Variants in FBXO28 observed in about 807,000 individuals in gnomAD.
FBXO28 encodes the protein F-box protein 28, also known as F-box only protein 28.
Under a neutral mutation model 38.1 loss-of-function variants are expected in FBXO28, and 8 were observed. That is an observed-to-expected ratio of 0.21 (90% CI 0.12 to 0.38). The LOEUF (loss-of-function observed/expected upper bound fraction) is 0.38, where lower values mean the gene tolerates loss of function less well. FBXO28 is among the 10% of genes least tolerant of loss of function. The pLI is 1.00. For missense variants in FBXO28, 345 were observed against 460.6 expected, an observed-to-expected ratio of 0.75 and a Z score of 2.30; for synonymous variants, 168 against 173.8, an observed-to-expected ratio of 0.97 and a Z score of 0.26.
In FBXO28 at chr1:224,160,862, T is replaced by C. The variant is rs1371159456; in HGVS notation, c.*3116T>C. On this transcript the variant is annotated 3_prime_UTR_variant, in exon 5 of 5. Transcript: ENST00000366862. ...AAAATATTCTATGTAGCCCCAAAGG[T>C]GGGTAAAACAGTATAAGTAATGCCT... The C allele has an allele frequency of 6.6e-6, 1 of 152,124 alleles. No individual in the cohort carries two copies. Among genetic ancestry groups the C allele is most frequent in the Non-Finnish European group, 1.5e-5 (1 of 68,022 alleles). 9.4% of individuals were successfully genotyped at this position (152,124 alleles called of 1,614,324 possible).
intron 3 of FBXO28, among the ~76,000 whole-genome samples, chr1:224,135,054 ATTTC>A (rs1657141574): frequency 6.6e-6 from 1 of 152,158 alleles, no homozygotes; most frequent in Non-Finnish European, 1.5e-5. Flanking sequence ...GGGGAATCCC[ATTTC>A]TTATGATTGT....
At chr1:224,116,945 T>A (rs1656655912) in intron 1 of FBXO28, among the ~76,000 whole-genome samples, 1 of 151,898 alleles carries the variant, frequency 6.6e-6, no homozygotes, top group African/African-American at 2.4e-5. Flanking sequence ...GACGCCGAGG[T>A]GGGCAGATCA....
chr1:224,114,631 G>T (rs1572001363), intron 1 of FBXO28, among the ~76,000 whole-genome samples: 1 of 78,260 alleles, frequency 1.3e-5, no homozygotes, highest in East Asian at 5.7e-4. Flanking sequence ...ACTTCGCCTT[G>T]GGGGCTCCTT....
At chr1:224,121,472 A>G (rs991492121) in intron 1 of FBXO28, among the ~76,000 whole-genome samples, 1 of 152,196 alleles carries the variant, frequency 6.6e-6, no homozygotes, top group Non-Finnish European at 1.5e-5. Context: ...AACACACACA[A>G]TATAGTAATA....
At chr1:224,123,548 C>T (rs1394941332) in intron 1 of FBXO28, among the ~76,000 whole-genome samples, 3 of 150,414 alleles carry the variant, frequency 2.0e-5, no homozygotes, top group African/African-American at 7.3e-5. Flanking sequence ...GCATCTTGAT[C>T]AATTTGTATG....
chr1:224,125,925 G>C (rs978521155), intron 1 of FBXO28, among the ~76,000 whole-genome samples: 1 of 152,050 alleles, frequency 6.6e-6, no homozygotes, highest in South Asian at 2.1e-4. Context: ...CACTGCTCCC[G>C]GCCATTCATT....
chr1:224,154,354 TC>T (rs1657717018), intron 4 of FBXO28, among the ~76,000 whole-genome samples: 1 of 152,178 alleles, frequency 6.6e-6, no homozygotes, highest in South Asian at 2.1e-4. Flanking sequence ...GTCTATCACT[TC>T]CATACCATTG....
intron 1 of FBXO28, among the ~76,000 whole-genome samples, chr1:224,118,046 C>G (rs560108584): frequency 1.3e-4 from 20 of 151,640 alleles, no homozygotes; most frequent in Middle Eastern, 3.4e-3. Flanking sequence ...ATTTTTGAGA[C>G]AGGGTCTCCC....
At chr1:224,119,135 C>CTTTTTTT (rs67458349) in intron 1 of FBXO28, among the ~76,000 whole-genome samples, 25 of 109,916 alleles carry the variant, frequency 2.3e-4, no homozygotes, top group Non-Finnish European at 3.3e-4. Context: ...TCTTTTTTTT[C>CTTTTTTT]TTTTTTTTTT....
intron 3 of FBXO28, among the ~76,000 whole-genome samples, chr1:224,145,316 G>C (rs1476197107): frequency 1.2e-5 from 1 of 81,154 alleles, no homozygotes; most frequent in Non-Finnish European, 2.7e-5. Context: ...AAAAAAAAAG[G>C]AAGTGTTTTA....
intron 2 of FBXO28, among the ~76,000 whole-genome samples, chr1:224,131,414 T>G (rs947008230): frequency 2.0e-5 from 3 of 152,164 alleles, no homozygotes; most frequent in Non-Finnish European, 4.4e-5. Flanking sequence ...ACTTCCCACT[T>G]TCAAAACTTA....
chr1:224,138,009 C>G (rs1009482725), intron 3 of FBXO28, among the ~76,000 whole-genome samples: 3 of 151,800 alleles, frequency 2.0e-5, no homozygotes, highest in African/African-American at 7.3e-5. Context: ...GGGCAAATCA[C>G]TTGAGATCAG....
At position 224,157,833 on chromosome 1, in the gene FBXO28, G is replaced by A. The variant is rs1185201661; in HGVS notation, c.*87G>A. On this transcript the variant is annotated 3_prime_UTR_variant, in exon 5 of 5. Transcript: ENST00000366862. Reference sequence around the variant, plus strand: ...ATCAGGATACTGTGAGCAACATGGTGTCCCTTAAGCTTCTAGGCTTTCAGA... The same window carrying A: ...ATCAGGATACTGTGAGCAACATGGTATCCCTTAAGCTTCTAGGCTTTCAGA... 4.0e-6 allele frequency: 6 copies of A among 1,491,022 alleles called. No homozygotes were observed. The highest frequency in any genetic ancestry group is 4.4e-6 in the Non-Finnish European group (5 of 1,125,168). 92.4% of individuals were successfully genotyped at this position (1,491,022 alleles called of 1,614,324 possible). A position where few individuals can be genotyped will look rare whatever the true frequency, so the allele number is the denominator to read the frequency against.
chr1:224,156,314 TG>T (rs1169625469), intron 4 of FBXO28, among the ~76,000 whole-genome samples: 2 of 152,222 alleles, frequency 1.3e-5, no homozygotes, highest in African/African-American at 2.4e-5. Flanking sequence ...GAATTCTCTG[TG>T]GTCATAATGT....
At chr1:224,148,926 C>G (rs887927503) in intron 3 of FBXO28, among the ~76,000 whole-genome samples, 7 of 152,140 alleles carry the variant, frequency 4.6e-5, no homozygotes, top group African/African-American at 1.7e-4. Context: ...TCTGTTTTCA[C>G]ACAGCACTTT....
Position 224,130,510 on chromosome 1 carries a change from G to A in FBXO28, c.306G>A (p.Leu102=), listed in dbSNP as rs923158725. ...TGGACTTGGTCTGCCAGAGAATGTT[G>A]AATCAGGGATTTCTGAAAGTGGAGA... ...KRMDLVCQRM[L]NQGFLKVERY... The change falls in exon 2 of 5, where the codon TTG becomes TTA. Residue 102 remains leucine (L), a synonymous_variant. Coordinates refer to ENST00000366862, the MANE Select transcript of FBXO28 (RefSeq NM_015176.4). The A allele has an allele frequency of 1.2e-6, 2 of 1,613,848 alleles. No homozygotes were observed. The highest frequency in any genetic ancestry group is 1.7e-6 in the Non-Finnish European group (2 of 1,179,924).
intron 3 of FBXO28, among the ~76,000 whole-genome samples, chr1:224,138,176 C>T (rs962155028): frequency 6.6e-6 from 1 of 151,190 alleles, no homozygotes; most frequent in African/African-American, 2.4e-5. Flanking sequence ...TGCAGTGAGC[C>T]GAGATCACAC....
At chr1:224,115,605 G>T (rs1216601220) in intron 1 of FBXO28, among the ~76,000 whole-genome samples, 2 of 152,132 alleles carry the variant, frequency 1.3e-5, no homozygotes, top group African/African-American at 2.4e-5. Flanking sequence ...CAGTCTGCAG[G>T]ATGGAAAATT....
intron 2 of FBXO28, among the ~76,000 whole-genome samples, chr1:224,131,496 G>A (rs772139690): frequency 6.6e-6 from 1 of 152,136 alleles, no homozygotes; most frequent in African/African-American, 2.4e-5. Flanking sequence ...AGAAGCAAAA[G>A]CAAAAGTCTG....
Sources: allele counts gnomAD v4.1 joint callset (sites outside exome capture counted in the v4.1 genomes callset), GRCh38; gene constraint gnomAD v4.1.1; transcripts MANE v1.5; gene names NCBI Gene and HGNC (gene_info 2026-07-23, HGNC 2026-07-21).